Variants in SIL1 observed in about 807,000 individuals in gnomAD.
SIL1 encodes SIL1 nucleotide exchange factor, also known as nucleotide exchange factor SIL1.
Under a neutral mutation model 49.1 loss-of-function variants are expected in SIL1, and 40 were observed. The ratio of observed to expected loss-of-function variants is 0.81; its 90% confidence interval spans 0.63 to 1.06. The LOEUF (loss-of-function observed/expected upper bound fraction) is 1.06. SIL1 is among the 50% of genes least tolerant of loss of function. The probability of loss-of-function intolerance (pLI) is 0.00; values close to 1 mark genes in which losing one functional copy is unlikely to be tolerated. For synonymous variants in SIL1, 253 were observed against 250.8 expected (o/e 1.01, Z -0.08); for missense variants, 500 against 572.6 (o/e 0.87, Z 1.29).
intron 3 of SIL1, 135 bp downstream of exon 3, chr5:139,120,900 C>T: frequency 9.2e-7 from 1 of 1,088,166 alleles, no homozygotes; most frequent in Non-Finnish European, 1.3e-6. Context: ...CAGCAGCTAC[C>T]ACTCTGACGG....
rs148434098 is a variant in SIL1 at position 139,115,468 on chromosome 5, T to G, written c.244+5567A>C. ...ACCCAGGATTAGAGGGCTGGAACTT[T>G]CAGCCCCAGCCCCACTCTGACCTCA... On this transcript the variant is annotated intron_variant, in intron 3 of 9. Transcript: ENST00000394817. 2.6e-3 allele frequency among the ~76,000 whole-genome samples: 390 copies of G among 152,242 alleles called. 3 individuals are homozygous for G. Among genetic ancestry groups the G allele is most frequent in the African/African-American group, 8.3e-3 (344 of 41,538 alleles).
At chr5:139,023,665 C>T (rs1464632460) in intron 6 of SIL1, among the ~76,000 whole-genome samples, 1 of 152,192 alleles carries the variant, frequency 6.6e-6, no homozygotes, top group Non-Finnish European at 1.5e-5. Context: ...CCTACAGCTC[C>T]TCAAACCACC....
At chr5:139,141,686 G>A (rs559707116) in intron 1 of SIL1, among the ~76,000 whole-genome samples, 11 of 152,036 alleles carry the variant, frequency 7.2e-5, no homozygotes, top group Admixed American at 2.0e-4. Flanking sequence ...ATTGTTGAGT[G>A]GAAGTGAAAG....
At chr5:139,133,029 G>C (rs1342421307) in intron 1 of SIL1, among the ~76,000 whole-genome samples, 2 of 150,286 alleles carry the variant, frequency 1.3e-5, no homozygotes, top group Non-Finnish European at 3.0e-5. Flanking sequence ...CATAAACTCT[G>C]GGTTCACCTG....
chr5:139,099,705 AT>A (rs1770545495), intron 3 of SIL1, among the ~76,000 whole-genome samples: 1 of 152,222 alleles, frequency 6.6e-6, no homozygotes, highest in African/African-American at 2.4e-5. Flanking sequence ...GTTCTTACTT[AT>A]TTGTGGGATC....
intron 1 of SIL1, among the ~76,000 whole-genome samples, chr5:139,181,336 T>C (rs563896764): frequency 1.1e-4 from 17 of 152,252 alleles, no homozygotes; most frequent in Non-Finnish European, 2.1e-4. Flanking sequence ...ATTGTTAACA[T>C]GCTCCCCTGC....
chr5:139,091,964 C>T (rs1457662947), intron 3 of SIL1, among the ~76,000 whole-genome samples: 1 of 152,142 alleles, frequency 6.6e-6, no homozygotes, highest in Non-Finnish European at 1.5e-5. Flanking sequence ...AGTAAGTGGA[C>T]TGTGTGAGAT....
At chr5:139,111,657 T>C (rs75072134) in intron 3 of SIL1, among the ~76,000 whole-genome samples, 1,737 of 152,260 alleles carry the variant, frequency 0.011, 32 homozygotes, top group African/African-American at 0.038. Context: ...AATGAACAAG[T>C]TTTTTGATAT....
intron 1 of SIL1, among the ~76,000 whole-genome samples, chr5:139,180,097 C>T (rs1467081551): frequency 1.3e-5 from 2 of 148,480 alleles, no homozygotes; most frequent in Non-Finnish European, 3.0e-5. Context: ...GGCACGGTGG[C>T]TCATGCTTGT....
intron 1 of SIL1, among the ~76,000 whole-genome samples, chr5:139,185,896 T>G (rs1392249556): frequency 2.6e-5 from 4 of 152,274 alleles, no homozygotes; most frequent in African/African-American, 9.6e-5. Flanking sequence ...TCCATGGAGA[T>G]GCAGACTTCC....
chr5:138,995,758 T>G (rs1767857040), intron 7 of SIL1, among the ~76,000 whole-genome samples: 1 of 152,208 alleles, frequency 6.6e-6, no homozygotes, highest in South Asian at 2.1e-4. Flanking sequence ...AATCTACTCT[T>G]TATCTTTATG....
At chr5:138,997,831 T>C (rs1767903750) in intron 7 of SIL1, among the ~76,000 whole-genome samples, 1 of 152,192 alleles carries the variant, frequency 6.6e-6, no homozygotes, top group Non-Finnish European at 1.5e-5. Context: ...ACTGCTGGGA[T>C]TACAGGCATA....
At chr5:139,107,505 A>G in intron 3 of SIL1, among the ~76,000 whole-genome samples, 1 of 152,100 alleles carries the variant, frequency 6.6e-6, no homozygotes, top group East Asian at 1.9e-4. Context: ...AAATTATACA[A>G]CAGTAGTAAC....
chr5:139,060,827 A>G (rs10039449), intron 3 of SIL1, among the ~76,000 whole-genome samples: 134,115 of 152,080 alleles, frequency 0.88, 59,261 homozygotes, highest in East Asian at 0.96. Context: ...AGACCCAGGA[A>G]TGAAGTTCTT....
intron 3 of SIL1, among the ~76,000 whole-genome samples, chr5:139,119,335 T>C (rs1280298934): frequency 1.3e-5 from 2 of 152,152 alleles, no homozygotes; most frequent in Admixed American, 6.5e-5. Flanking sequence ...TCAACATCGT[T>C]CAGTCTGCAA....
chr5:139,133,975 T>C (rs1257204515), intron 1 of SIL1, among the ~76,000 whole-genome samples: 3 of 151,776 alleles, frequency 2.0e-5, no homozygotes, highest in African/African-American at 7.2e-5. Context: ...ACAACTTCAC[T>C]AGGCCTCAGT....
chr5:139,057,187 C>T (rs558608979), intron 3 of SIL1, among the ~76,000 whole-genome samples: 257 of 151,368 alleles, frequency 1.7e-3, no homozygotes, highest in Admixed American at 3.2e-3. Context: ...CTGCGGAAGG[C>T]CGCAGAGTCC....
intron 3 of SIL1, among the ~76,000 whole-genome samples, chr5:139,094,079 C>T (rs1480077976): frequency 1.3e-5 from 2 of 152,214 alleles, no homozygotes; most frequent in African/African-American, 4.8e-5. Flanking sequence ...TTTATTTGCT[C>T]TTCCTGCTGA....
chr5:139,005,341 C>G (rs1304806734), intron 7 of SIL1, among the ~76,000 whole-genome samples: 2 of 151,392 alleles, frequency 1.3e-5, no homozygotes, highest in Non-Finnish European at 2.9e-5. Flanking sequence ...TTTTTTTGCC[C>G]ATACTTTTGA....
Sources: gnomAD v4.1 joint callset for allele counts (sites outside exome capture counted in the v4.1 genomes callset) on GRCh38, gnomAD v4.1.1 for gene constraint, MANE v1.5 for transcripts, NCBI Gene and HGNC (gene_info 2026-07-23, HGNC 2026-07-21) for gene names.